MGST2: variants seen among roughly 807,000 people sequenced by gnomAD.
MGST2 encodes microsomal glutathione S-transferase 2, also known as glutathione peroxidase MGST2.
Under a neutral mutation model 16.6 loss-of-function variants are expected in MGST2, and 9 were observed. That is an observed-to-expected ratio of 0.54 (90% CI 0.33 to 0.95). The LOEUF (loss-of-function observed/expected upper bound fraction) is 0.95, where lower values mean the gene tolerates loss of function less well. MGST2 is among the 40% of genes least tolerant of loss of function. The pLI is 0.03. For missense variants in MGST2, 159 were observed against 175.1 expected, an observed-to-expected ratio of 0.91 and a Z score of 0.52; for synonymous variants, 79 against 68.0, an observed-to-expected ratio of 1.16 and a Z score of -0.79.
intron 5 of MGST2, among the ~76,000 whole-genome samples, chr4:139,732,501 C>T (rs764608242): frequency 5.4e-4 from 82 of 152,086 alleles, no homozygotes; most frequent in Non-Finnish European, 9.0e-4. Context: ...CCAAGAAGCT[C>T]TGGTTTGTTC....
At chr4:139,677,782 C>T (rs918275725) in intron 1 of MGST2, among the ~76,000 whole-genome samples, 9 of 152,152 alleles carry the variant, frequency 5.9e-5, no homozygotes, top group Non-Finnish European at 4.4e-5. Flanking sequence ...GGATTACAGG[C>T]GTGAGCCACC....
chr4:139,695,308 G>C (rs2646077), intron 3 of MGST2, 41 bp downstream of exon 3: 1 of 1,481,976 alleles, frequency 6.7e-7, no homozygotes, highest in South Asian at 1.1e-5. Flanking sequence ...AATGATGACT[G>C]TGATGCTTAA....
intron 5 of MGST2, among the ~76,000 whole-genome samples, chr4:139,722,612 T>C (rs1462922416): frequency 6.6e-6 from 1 of 152,196 alleles, no homozygotes; most frequent in Non-Finnish European, 1.5e-5. Context: ...AAAGTCTATG[T>C]TCTATTTTCA....
At chr4:139,683,623 A>C (rs575947360) in intron 2 of MGST2, among the ~76,000 whole-genome samples, 1 of 152,270 alleles carries the variant, frequency 6.6e-6, no homozygotes, top group African/African-American at 2.4e-5. Flanking sequence ...TGAGCTGGAA[A>C]TATAAATTCA....
At chr4:139,719,222 T>C in intron 5 of MGST2, 1 of 1,388,438 alleles carries the variant, frequency 7.2e-7, no homozygotes, top group East Asian at 2.5e-5. Context: ...TCAGTTTACG[T>C]GGGTCAAAAA....
intron 5 of MGST2, among the ~76,000 whole-genome samples, chr4:139,721,763 C>T (rs1481146878): frequency 1.3e-5 from 2 of 152,130 alleles, no homozygotes; most frequent in Non-Finnish European, 2.9e-5. Context: ...GAAATGTTTT[C>T]ATATATTTTT....
intron 2 of MGST2, among the ~76,000 whole-genome samples, chr4:139,694,233 G>T (rs978441497): frequency 1.3e-5 from 2 of 151,450 alleles, no homozygotes; most frequent in Non-Finnish European, 2.9e-5. Flanking sequence ...TGGTGACCCA[G>T]GCTAAAAGAC....
intron 5 of MGST2, chr4:139,720,124 G>A: frequency 1.9e-6 from 3 of 1,614,060 alleles, no homozygotes; most frequent in Non-Finnish European, 1.7e-6. Flanking sequence ...TGCTCATATT[G>A]TACATTCCTG....
chr4:139,709,307 T>C (rs2110922961), intron 5 of MGST2, among the ~76,000 whole-genome samples: 1 of 152,022 alleles, frequency 6.6e-6, no homozygotes, highest in Middle Eastern at 3.4e-3. Context: ...ATGGTCTTGA[T>C]CTCCTGACCT....
intron 1 of MGST2, among the ~76,000 whole-genome samples, chr4:139,668,272 A>G (rs1730475938): frequency 6.6e-6 from 1 of 152,136 alleles, no homozygotes; most frequent in Non-Finnish European, 1.5e-5. Flanking sequence ...CAGCGTTTGG[A>G]GAGAATAGAT....
At chr4:139,742,302 C>T (rs1729196083), downstream of MGST2, among the ~76,000 whole-genome samples, 2 of 152,230 alleles carry the variant, frequency 1.3e-5, no homozygotes, top group Admixed American at 6.5e-5. Context: ...GCGTGTGCCA[C>T]CACGCCCGGC....
chr4:139,685,137 C>G (rs1731490394), intron 2 of MGST2: 1 of 152,298 alleles, frequency 6.6e-6, no homozygotes, highest in Admixed American at 6.5e-5. Flanking sequence ...AGCCACTGTT[C>G]CTCCATGTGC....
In MGST2 at chr4:139,735,874, G is replaced by A. The variant is rs1280062297; in HGVS notation, c.*49-4338G>A. On this transcript the variant is annotated intron_variant, in intron 5 of 5. Coordinates refer to the MGST2 transcript ENST00000616265. The surrounding 1 kb of genome is among the most constrained non-coding windows in gnomAD (Gnocchi z 5.8). ...GGCAGGGGCGGTGCGGCGGCGCTCG[G>A]GAGACCCGCGAGGGGCCCTGGAGGT... 6.6e-6 allele frequency among the ~76,000 whole-genome samples: 1 copy of A among 151,928 alleles called. No homozygotes were observed. The highest frequency in any genetic ancestry group is 2.4e-5 in the African/African-American group (1 of 41,400).
chr4:139,687,982 A>G (rs917363014), intron 2 of MGST2, among the ~76,000 whole-genome samples: 7 of 152,256 alleles, frequency 4.6e-5, no homozygotes, highest in Non-Finnish European at 7.3e-5. Context: ...AGAAAATTCT[A>G]TCTCATCTAA....
At chr4:139,718,729 T>C (rs1007701900) in intron 5 of MGST2, 3 of 153,290 alleles carry the variant, frequency 2.0e-5, no homozygotes, top group African/African-American at 7.2e-5. Context: ...TCTGTGGTTG[T>C]CTCCTTTTGA....
At chr4:139,722,948 C>T (rs144425304) in intron 5 of MGST2, among the ~76,000 whole-genome samples, 2 of 152,282 alleles carry the variant, frequency 1.3e-5, no homozygotes, top group East Asian at 3.9e-4. Context: ...TAAAATGTCA[C>T]ACTGGCTTTA....
At position 139,719,598 on chromosome 4, in the gene MGST2, T is replaced by C. The variant is rs534986978; in HGVS notation, c.*48+15402T>C. On this transcript the variant is annotated intron_variant, in intron 5 of 5. Coordinates refer to the MGST2 transcript ENST00000616265. ...GGGACTCCCTGGCTCAGGCCAGACA[T>C]GACCATTGGCCTCGCCTGGCTGGTG... 8.9e-5 allele frequency: 144 copies of C among 1,613,304 alleles called. No homozygotes were observed. In the East Asian group the frequency reaches 2.2e-3, roughly 24 times the overall value.
chr4:139,734,965 C>T (rs1175318597), intron 5 of MGST2, among the ~76,000 whole-genome samples: 1 of 152,230 alleles, frequency 6.6e-6, no homozygotes, highest in African/African-American at 2.4e-5. Context: ...CCGTTCTTCC[C>T]GCGCCCCAGC....
chr4:139,703,175 C>T (rs960624240), intron 3 of MGST2, among the ~76,000 whole-genome samples: 2 of 151,916 alleles, frequency 1.3e-5, no homozygotes, highest in African/African-American at 2.4e-5. Context: ...ATTCACCCCC[C>T]CTCGGCCTCT....
Sources: allele counts gnomAD v4.1 joint callset (sites outside exome capture counted in the v4.1 genomes callset), GRCh38; gene constraint gnomAD v4.1.1; non-coding constraint Gnocchi (gnomAD v3.1); transcripts MANE v1.5; gene names NCBI Gene and HGNC (gene_info 2026-07-23, HGNC 2026-07-21).